Variants in SRGAP2B observed in about 807,000 individuals in gnomAD.
The protein encoded by SRGAP2B is SLIT-ROBO Rho GTPase activating protein 2B.
SRGAP2B carries 9 observed loss-of-function variants against 22.2 expected under a neutral mutation model. The ratio of observed to expected loss-of-function variants is 0.41; its 90% CI spans 0.24 to 0.71. The LOEUF (loss-of-function observed/expected upper bound fraction) is 0.71, where lower values mean the gene tolerates loss of function less well. Among genes scored for constraint, SRGAP2B ranks in the 30% least tolerant of loss-of-function variants. SRGAP2B has a pLI of 0.35. For missense variants in SRGAP2B, 114 were observed against 235.8 expected, an observed-to-expected ratio of 0.48 and a Z score of 3.38; for synonymous variants, 36 against 87.4, an observed-to-expected ratio of 0.41 and a Z score of 3.28.
intron 2 of SRGAP2B, among the ~76,000 whole-genome samples, chr1:145,005,116 AG>A (rs1671494144): frequency 9.3e-6 from 1 of 107,334 alleles, no homozygotes; most frequent in African/African-American, 3.7e-5. Flanking sequence ...GCCAGCAGAG[AG>A]GGTCCTGCAT....
intron 2 of SRGAP2B, among the ~76,000 whole-genome samples, chr1:145,022,665 TAAAG>T (rs1161854185): frequency 1.3e-5 from 2 of 150,526 alleles, no homozygotes; most frequent in Admixed American, 6.6e-5. Context: ...TGCATCTTCA[TAAAG>T]AAGCTAAACA....
intron 2 of SRGAP2B, among the ~76,000 whole-genome samples, chr1:145,002,690 C>T (rs1671282604): frequency 1.3e-5 from 2 of 150,524 alleles, no homozygotes; most frequent in Non-Finnish European, 2.9e-5. Context: ...TCCCTGTTCT[C>T]AAGAAATTAC....
intron 4 of SRGAP2B, among the ~76,000 whole-genome samples, chr1:144,932,120 T>G (rs1432880690): frequency 6.7e-6 from 1 of 148,522 alleles, no homozygotes; most frequent in Non-Finnish European, 1.5e-5. Context: ...GATCAAAGAA[T>G]TGCTTGCTGT....
chr1:144,999,073 G>T (rs1481904802), intron 2 of SRGAP2B, among the ~76,000 whole-genome samples: 3 of 150,670 alleles, frequency 2.0e-5, no homozygotes, highest in African/African-American at 7.5e-5. Context: ...AGGCGATCAT[G>T]CATGTGCACA....
At chr1:144,963,837 T>C (rs1389588760) in intron 3 of SRGAP2B, among the ~76,000 whole-genome samples, 1 of 151,838 alleles carries the variant, frequency 6.6e-6, no homozygotes, top group Non-Finnish European at 1.5e-5. Flanking sequence ...AGAAGTTTGA[T>C]CTACAGCCAG....
Position 144,920,698 on chromosome 1 carries a change from C to A in SRGAP2B, c.424-5944G>T, listed in dbSNP as rs587648767. 1.7e-4 allele frequency among the ~76,000 whole-genome samples: 26 copies of A among 149,932 alleles called. No individual in the cohort carries two copies. In the South Asian group the frequency reaches 2.9e-3, roughly 17 times the overall value. ...TATATTCTCGAGCGACTGTGCCTGGCCTTTTCTATTTTTTTATATTGGTCA... is the reference window on the plus strand; with the variant it reads ...TATATTCTCGAGCGACTGTGCCTGGACTTTTCTATTTTTTTATATTGGTCA... On this transcript the variant is annotated intron_variant, in intron 4 of 9. Transcript: ENST00000612199.
chr1:144,926,479 C>T (rs1395580443), intron 4 of SRGAP2B, among the ~76,000 whole-genome samples: 12 of 128,566 alleles, frequency 9.3e-5, no homozygotes, highest in Non-Finnish European at 2.0e-4. Flanking sequence ...TATCTTTAAA[C>T]CCATTTCCCT....
At chr1:145,010,683 A>C (rs1280451521) in intron 2 of SRGAP2B, among the ~76,000 whole-genome samples, 1 of 150,606 alleles carries the variant, frequency 6.6e-6, no homozygotes, top group Admixed American at 6.6e-5. Context: ...TTATAAAATT[A>C]TTTCACCCTC....
At chr1:144,993,611 C>G (rs1395526743) in intron 3 of SRGAP2B, among the ~76,000 whole-genome samples, 2 of 149,162 alleles carry the variant, frequency 1.3e-5, no homozygotes, top group South Asian at 2.1e-4. Flanking sequence ...AGGAGGTAGG[C>G]TGAGGCAGGA....
At chr1:144,914,084 G>A (rs587659084) in intron 5 of SRGAP2B, among the ~76,000 whole-genome samples, 10 of 150,800 alleles carry the variant, frequency 6.6e-5, no homozygotes, top group South Asian at 2.1e-4. Context: ...TGCCTGAAGC[G>A]CCAGTCATCT....
chr1:145,009,667 A>G (rs1671903643), intron 2 of SRGAP2B, among the ~76,000 whole-genome samples: 1 of 147,852 alleles, frequency 6.8e-6, no homozygotes, highest in South Asian at 2.1e-4. Context: ...CCATAACACT[A>G]GTCTCTCTAC....
At position 145,079,947 on chromosome 1, in the gene SRGAP2B, C is replaced by A. The variant is rs587716204; in HGVS notation, c.67+12888G>T. On this transcript the variant is annotated intron_variant, in intron 2 of 9. Coordinates refer to ENST00000612199, the Ensembl canonical transcript of SRGAP2B. ...AGTTCCATAACCACACTGCCTCCCCCAGGTTTGTCCCAGACCAGATGTCAG... is the reference window on the plus strand; with the variant it reads ...AGTTCCATAACCACACTGCCTCCCCAAGGTTTGTCCCAGACCAGATGTCAG... 4.0e-5 allele frequency among the ~76,000 whole-genome samples: 6 copies of A among 150,016 alleles called. 1 individual carries two copies. The South Asian group carries it at 8.4e-4, about 21-fold the overall frequency.
At chr1:144,954,891 G>A (rs1221139667) in intron 4 of SRGAP2B, among the ~76,000 whole-genome samples, 3 of 149,938 alleles carry the variant, frequency 2.0e-5, no homozygotes, top group African/African-American at 7.6e-5. Flanking sequence ...GCCAAGATAA[G>A]ACCCTGGGAA....
intron 3 of SRGAP2B, among the ~76,000 whole-genome samples, chr1:144,986,444 G>A (rs1268866112): frequency 2.0e-5 from 3 of 149,558 alleles, no homozygotes; most frequent in East Asian, 3.9e-4. Context: ...CAAAATCAAG[G>A]CTACAGTTCA....
chr1:144,923,310 T>C (rs1256024633), intron 4 of SRGAP2B, among the ~76,000 whole-genome samples: 4 of 150,830 alleles, frequency 2.7e-5, no homozygotes, highest in Admixed American at 6.6e-5. Context: ...TTCCATCTTT[T>C]ACCCTTTTGG....
chr1:144,984,800 A>G (rs1669595822), intron 3 of SRGAP2B, among the ~76,000 whole-genome samples: 1 of 150,778 alleles, frequency 6.6e-6, no homozygotes, highest in Admixed American at 6.6e-5. Context: ...ACTTATTTAA[A>G]CCATCAGTGG....
chr1:144,964,840 G>A (rs1290631288), intron 3 of SRGAP2B, among the ~76,000 whole-genome samples: 1 of 151,072 alleles, frequency 6.6e-6, no homozygotes, highest in Admixed American at 6.6e-5. Flanking sequence ...GATCGCTTGA[G>A]CCCAGGAGCT....
At chr1:144,979,694 C>T (rs1553614764) in intron 3 of SRGAP2B, among the ~76,000 whole-genome samples, 1 of 150,458 alleles carries the variant, frequency 6.6e-6, no homozygotes, top group Admixed American at 6.6e-5. Context: ...TCACTTAGTT[C>T]ACGAGAGATC....
chr1:144,925,148 G>A (rs1456492992), intron 4 of SRGAP2B, among the ~76,000 whole-genome samples: 2 of 149,444 alleles, frequency 1.3e-5, no homozygotes, highest in African/African-American at 5.1e-5. Flanking sequence ...GACTACAGGT[G>A]TTCACCACCA....
Sources: allele counts gnomAD v4.1 joint callset (sites outside exome capture counted in the v4.1 genomes callset), GRCh38; gene constraint gnomAD v4.1.1; transcripts MANE v1.5; gene names NCBI Gene and HGNC (gene_info 2026-07-23, HGNC 2026-07-21).